QRFPR: variants seen among roughly 807,000 people sequenced by gnomAD.
QRFPR encodes pyroglutamylated RF-amide peptide receptor.
QRFPR carries 37 observed loss-of-function variants against 31.3 expected under a neutral mutation model. That is an observed-to-expected ratio of 1.18 (90% CI 0.91 to 1.56). The LOEUF (loss-of-function observed/expected upper bound fraction) is 1.56, where lower values mean the gene tolerates loss of function less well. Ranked by LOEUF, QRFPR falls within the 40% of genes most tolerant of loss-of-function variation. The pLI is 0.00. For missense variants in QRFPR, 542 were observed against 532.5 expected (o/e 1.02, Z -0.18); for synonymous variants, 197 against 192.0 (o/e 1.03, Z -0.22).
In QRFPR at chr4:121,340,614, CAGTA is replaced by C; in HGVS notation, c.341-8_341-5del. On this transcript the variant is annotated splice_region_variant and splice_polypyrimidine_tract_variant and intron_variant, in intron 1 of 5. Transcript: ENST00000394427. ...ACCATCTTGCAAATGAAAGCACCTG[CAGTA>C]AGGAAATAGGACAAATCATACATCA... 1 of 1,612,624 alleles carries C rather than the reference CAGTA, an allele frequency of 6.2e-7. No homozygotes were observed. The highest frequency in any genetic ancestry group is 8.5e-7 in the Non-Finnish European group (1 of 1,178,992).
chr4:121,346,073 G>A (rs1725641908), intron 1 of QRFPR, among the ~76,000 whole-genome samples: 1 of 152,150 alleles, frequency 6.6e-6, no homozygotes, highest in African/African-American at 2.4e-5. Context: ...TGAATAATTT[G>A]TTCCAAGGTT....
At chr4:121,365,040 G>C (rs566511011) in intron 1 of QRFPR, among the ~76,000 whole-genome samples, 2 of 149,702 alleles carry the variant, frequency 1.3e-5, no homozygotes, top group South Asian at 2.1e-4. Context: ...ACTAGTTACT[G>C]TCTTTAAATT....
rs4558890 is a variant in QRFPR at position 121,336,787 on chromosome 4, A to C, written c.561+20T>G. The C allele has an allele frequency of 0.98, 1,540,275 of 1,566,730 alleles. 757,215 individuals are homozygous for C. The highest frequency in any genetic ancestry group is 1 in the East Asian group (44,636 of 44,636). On this transcript the variant is annotated intron_variant, in intron 3 of 5. Transcript: ENST00000394427. ...GAAAATAGTTCAACAATATGATTATACATCTCAACTGGAGTCTACCTCAAG... is the reference window on the plus strand; with the variant it reads ...GAAAATAGTTCAACAATATGATTATCCATCTCAACTGGAGTCTACCTCAAG...
At chr4:121,342,110 G>GTCCAA (rs1220232460) in intron 1 of QRFPR, among the ~76,000 whole-genome samples, 1 of 152,178 alleles carries the variant, frequency 6.6e-6, no homozygotes, top group Non-Finnish European at 1.5e-5. Context: ...GTTGGGCAGC[G>GTCCAA]TCCAATCCAC....
intron 1 of QRFPR, among the ~76,000 whole-genome samples, chr4:121,355,261 T>C (rs1204263499): frequency 6.6e-6 from 1 of 152,194 alleles, no homozygotes; most frequent in Non-Finnish European, 1.5e-5. Flanking sequence ...GTTGCTGGTC[T>C]ATTCGGCTTT....
chr4:121,371,644 T>C (rs142554267), intron 1 of QRFPR, among the ~76,000 whole-genome samples: 337 of 152,308 alleles, frequency 2.2e-3, no homozygotes, highest in African/African-American at 7.8e-3. Flanking sequence ...AGTGCAGGGC[T>C]TGGCCTTATG....
chr4:121,380,244 A>AGAGG lies in QRFPR; in HGVS notation c.340+63_340+64insCCTC, dbSNP rs1726458173. The AGAGG allele has an allele frequency of 5.6e-6, 6 of 1,078,900 alleles. No homozygotes were observed. In the Admixed American group the frequency reaches 7.7e-5, roughly 14 times the overall value. The allele number at this position is 1,078,900 out of a possible 1,614,324, so 66.8% of individuals were successfully genotyped here. ...GAGAGAGAGAGAGAGAGAGAGAGAG[A>AGAGG]GAGATCCCCTGAAAGGCAGAGGGTT... On this transcript the variant is annotated intron_variant, in intron 1 of 5. Coordinates refer to ENST00000394427, the MANE Select transcript of QRFPR (RefSeq NM_198179.3).
At chr4:121,357,802 T>C (rs1353776679) in intron 1 of QRFPR, among the ~76,000 whole-genome samples, 3 of 152,218 alleles carry the variant, frequency 2.0e-5, no homozygotes, top group Non-Finnish European at 4.4e-5. Context: ...GAGAGAGCCC[T>C]CACTTCAAGG....
chr4:121,356,140 A>G (rs918333717), intron 1 of QRFPR, among the ~76,000 whole-genome samples: 1 of 152,206 alleles, frequency 6.6e-6, no homozygotes, highest in South Asian at 2.1e-4. Flanking sequence ...TGATCTCTCC[A>G]GTGTTGAAAG....
intron 1 of QRFPR, among the ~76,000 whole-genome samples, chr4:121,372,037 A>T (rs1726257450): frequency 6.6e-6 from 1 of 152,194 alleles, no homozygotes; most frequent in South Asian, 2.1e-4. Context: ...CACGGCCAAG[A>T]AATTGTACAG....
intron 1 of QRFPR, among the ~76,000 whole-genome samples, chr4:121,351,844 A>G (rs1054358177): frequency 1.0e-4 from 3 of 29,374 alleles, no homozygotes; most frequent in African/African-American, 2.3e-4. Flanking sequence ...AAAGTAATGT[A>G]AAAAAAAAAA....
intron 1 of QRFPR, among the ~76,000 whole-genome samples, chr4:121,365,129 T>C (rs1726067284): frequency 6.7e-6 from 1 of 149,504 alleles, no homozygotes; most frequent in South Asian, 2.1e-4. Context: ...GTTGAATCTT[T>C]TTTCTTGCAA....
intron 1 of QRFPR, among the ~76,000 whole-genome samples, chr4:121,352,478 C>G (rs1436863951): frequency 6.6e-6 from 1 of 152,028 alleles, no homozygotes; most frequent in Non-Finnish European, 1.5e-5. Flanking sequence ...GTAAGGAAAA[C>G]CTCAGACTTT....
In QRFPR at chr4:121,343,602, T is replaced by G. The variant is rs536839948; in HGVS notation, c.341-2992A>C. Among the ~76,000 whole-genome samples, 113 of 152,374 alleles carry G rather than the reference T, an allele frequency of 7.4e-4. 2 individuals are homozygous for G. Among genetic ancestry groups the G allele is most frequent in the Admixed American group, 7.3e-3 (112 of 15,302 alleles). On this transcript the variant is annotated intron_variant, in intron 1 of 5. Coordinates refer to ENST00000394427, the MANE Select transcript of QRFPR (RefSeq NM_198179.3). ...ACCTCAAGTCCTGGTTTGGATGTGGTACTTGAATAAATGAATATGGGTATA... is the reference window on the plus strand; with the variant it reads ...ACCTCAAGTCCTGGTTTGGATGTGGGACTTGAATAAATGAATATGGGTATA...
intron 4 of QRFPR, among the ~76,000 whole-genome samples, chr4:121,331,165 T>C (rs1221512412): frequency 2.1e-5 from 3 of 144,234 alleles, no homozygotes; most frequent in Non-Finnish European, 4.5e-5. Flanking sequence ...ATCTATACGA[T>C]ATATCTTGGG....
chr4:121,367,837 A>G (rs1224046126), intron 1 of QRFPR, among the ~76,000 whole-genome samples: 1 of 149,946 alleles, frequency 6.7e-6, no homozygotes, highest in East Asian at 2.0e-4. Flanking sequence ...AGAGAAATTA[A>G]TACCACAGTC....
At chr4:121,357,564 G>A (rs998130532) in intron 1 of QRFPR, among the ~76,000 whole-genome samples, 2 of 152,126 alleles carry the variant, frequency 1.3e-5, no homozygotes, top group Non-Finnish European at 2.9e-5. Context: ...CCCCTACACT[G>A]GGAATTCTAA....
At chr4:121,347,833 G>C (rs1291449767) in intron 1 of QRFPR, among the ~76,000 whole-genome samples, 1 of 151,964 alleles carries the variant, frequency 6.6e-6, no homozygotes, top group African/African-American at 2.4e-5. Context: ...ACCATAAACA[G>C]CATTTTATTT....
At chr4:121,350,362 C>T (rs1725740118) in intron 1 of QRFPR, among the ~76,000 whole-genome samples, 1 of 152,104 alleles carries the variant, frequency 6.6e-6, no homozygotes, top group Non-Finnish European at 1.5e-5. Context: ...TTTCAGCGAG[C>T]GGTGTCTGGT....
Sources: gnomAD v4.1 joint callset for allele counts (sites outside exome capture counted in the v4.1 genomes callset) on GRCh38, gnomAD v4.1.1 for gene constraint, MANE v1.5 for transcripts, NCBI Gene and HGNC (gene_info 2026-07-23, HGNC 2026-07-21) for gene names.